PARD3B: variants seen among roughly 807,000 people sequenced by gnomAD.
PARD3B encodes par-3 family cell polarity regulator beta, also known as partitioning defective 3 homolog B.
In PARD3B, 103 loss-of-function variants were observed where a neutral mutation model predicts 130.2. That is an observed-to-expected ratio of 0.79 (90% confidence interval 0.67 to 0.93). The LOEUF is 0.93. PARD3B is among the 40% of genes least tolerant of loss of function. The probability of loss-of-function intolerance (pLI) is 0.00; values close to 1 mark genes in which losing one functional copy is unlikely to be tolerated. For synonymous variants in PARD3B, 583 were observed against 553.2 expected, an observed-to-expected ratio of 1.05 and a Z score of -0.76; for missense variants, 1,609 against 1,499.2, an observed-to-expected ratio of 1.07 and a Z score of -1.21.
intron 20 of PARD3B, among the ~76,000 whole-genome samples, chr2:205,472,363 C>A (rs1416712788): frequency 2.7e-5 from 4 of 149,624 alleles, no homozygotes; most frequent in African/African-American, 7.7e-5. Flanking sequence ...GCACCCAAGA[C>A]ATACTTTTTC....
chr2:205,310,447 C>T (rs984924587), intron 18 of PARD3B, among the ~76,000 whole-genome samples: 4 of 151,902 alleles, frequency 2.6e-5, no homozygotes, highest in African/African-American at 9.7e-5. Flanking sequence ...AAATTTATTC[C>T]TCCTGTCTAG....
At chr2:205,509,744 G>C (rs1290904637) in intron 21 of PARD3B, among the ~76,000 whole-genome samples, 1 of 152,156 alleles carries the variant, frequency 6.6e-6, no homozygotes, top group Non-Finnish European at 1.5e-5. Context: ...CTGTTTCCAC[G>C]TATGGAGCCC....
chr2:205,565,175 A>G (rs2053277605), intron 22 of PARD3B, among the ~76,000 whole-genome samples: 4 of 152,158 alleles, frequency 2.6e-5, no homozygotes, highest in African/African-American at 9.7e-5. Flanking sequence ...TCCAGAAATG[A>G]TAGTGTCTGA....
At chr2:204,779,845 A>G (rs954737695) in intron 2 of PARD3B, among the ~76,000 whole-genome samples, 1 of 152,228 alleles carries the variant, frequency 6.6e-6, no homozygotes, top group African/African-American at 2.4e-5. Flanking sequence ...TAAAATTCTA[A>G]GCAAAGTAAG....
chr2:205,301,339 A>G lies in PARD3B; in HGVS notation c.2393-125A>G, dbSNP rs2041989792. 3 of 1,477,008 alleles carry G rather than the reference A, an allele frequency of 2.0e-6. No homozygotes were observed. Among genetic ancestry groups the G allele is most frequent in the Non-Finnish European group, 2.7e-6 (3 of 1,106,196 alleles). 91.5% of individuals were successfully genotyped at this position (1,477,008 alleles called of 1,614,324 possible). ...AGATCTTCAAAGGGCGCACGTAACC[A>G]CATAGAAGGGTAGAACTACAGAGTG... is the stretch of plus-strand genomic sequence containing the variant. On this transcript the variant is annotated intron_variant, in intron 17 of 22. Coordinates refer to ENST00000406610, the MANE Select transcript of PARD3B (RefSeq NM_001302769.2). The surrounding 1 kb of genome is among the most constrained non-coding windows in gnomAD (Gnocchi z 5.2).
At chr2:205,570,993 TTAGA>T (rs2053540958) in intron 22 of PARD3B, among the ~76,000 whole-genome samples, 1 of 152,120 alleles carries the variant, frequency 6.6e-6, no homozygotes, top group South Asian at 2.1e-4. Context: ...CATATATAAT[TTAGA>T]TAAATAATCC....
intron 3 of PARD3B, among the ~76,000 whole-genome samples, chr2:205,035,815 ATAT>A (rs1697796196): frequency 3.8e-5 from 1 of 26,304 alleles, no homozygotes; most frequent in African/African-American, 2.9e-4. Context: ...ATATATATAT[ATAT>A]ATCTATATAT....
chr2:204,643,080 C>G (rs1048060263), intron 1 of PARD3B, among the ~76,000 whole-genome samples: 3 of 123,566 alleles, frequency 2.4e-5, no homozygotes, highest in Non-Finnish European at 4.8e-5. Flanking sequence ...CACCACCGCA[C>G]TCCAGCCTGG....
At chr2:205,002,393 C>T (rs1171218052) in intron 3 of PARD3B, among the ~76,000 whole-genome samples, 2 of 152,164 alleles carry the variant, frequency 1.3e-5, no homozygotes, top group Non-Finnish European at 2.9e-5. Flanking sequence ...TGAAATCTGT[C>T]CTATTCCCAC....
intron 18 of PARD3B, chr2:205,347,665 T>A (rs923730194): frequency 8.5e-5 from 13 of 152,228 alleles, no homozygotes; most frequent in African/African-American, 2.9e-4. Flanking sequence ...TTGTCAAATT[T>A]AGAAGAATCT....
In PARD3B at chr2:205,616,954, C is replaced by A. The variant is rs2055457783; in HGVS notation, c.*1141C>A. On this transcript the variant is annotated 3_prime_UTR_variant, in exon 23 of 23. Coordinates refer to ENST00000406610, the MANE Select transcript of PARD3B (RefSeq NM_001302769.2). Reference sequence around the variant, plus strand: ...GTGTGTGTTCGAACACATATGATTGCCAGTATGGAGAATGAAAGATTAATA... The same window carrying A: ...GTGTGTGTTCGAACACATATGATTGACAGTATGGAGAATGAAAGATTAATA... 1 of 153,968 alleles carries A rather than the reference C, an allele frequency of 6.5e-6. No homozygotes were observed. Among genetic ancestry groups the A allele is most frequent in the South Asian group, 2.0e-4 (1 of 4,892 alleles). 9.5% of individuals were successfully genotyped at this position (153,968 alleles called of 1,614,324 possible). A position where few individuals can be genotyped will look rare whatever the true frequency, so the allele number is the denominator to read the frequency against.
At chr2:204,742,723 A>G (rs542341913) in intron 2 of PARD3B, among the ~76,000 whole-genome samples, 1 of 152,308 alleles carries the variant, frequency 6.6e-6, no homozygotes, top group Admixed American at 6.5e-5. Context: ...ACTTGTCACT[A>G]ACTTGATCTG....
chr2:204,966,473 A>C (rs1691263822), intron 3 of PARD3B, among the ~76,000 whole-genome samples: 1 of 152,228 alleles, frequency 6.6e-6, no homozygotes, highest in East Asian at 1.9e-4. Flanking sequence ...TCATTTGCAT[A>C]ATGGATGCCT....
At chr2:205,113,096 A>T (rs1703756055) in intron 5 of PARD3B, among the ~76,000 whole-genome samples, 2 of 152,302 alleles carry the variant, frequency 1.3e-5, no homozygotes, top group Admixed American at 1.3e-4. Flanking sequence ...ATGCTGAAGC[A>T]TCGATGTGCT....
rs998521860 is a variant in PARD3B at position 205,446,976 on chromosome 2, T to C, written c.3044+6304T>C. Among the ~76,000 whole-genome samples, 1 of 152,228 alleles carries C rather than the reference T, an allele frequency of 6.6e-6. No homozygotes were observed. The highest frequency in any genetic ancestry group is 1.5e-5 in the Non-Finnish European group (1 of 68,040). On this transcript the variant is annotated intron_variant, in intron 20 of 22. Coordinates refer to ENST00000406610, the MANE Select transcript of PARD3B (RefSeq NM_001302769.2). The surrounding 1 kb of genome is among the most constrained non-coding windows in gnomAD (Gnocchi z 4.4). ...TTTTGCATTAGTTTGTGTGACAATT[T>C]GACATTCATTTCTAGAGGTTGCCAA...
chr2:204,814,245 A>T (rs953579567), intron 2 of PARD3B, among the ~76,000 whole-genome samples: 1 of 151,818 alleles, frequency 6.6e-6, no homozygotes, highest in African/African-American at 2.4e-5. Context: ...TTTTAATTCC[A>T]ATTTTCAGTT....
chr2:205,506,220 C>G (rs947460425), intron 21 of PARD3B, among the ~76,000 whole-genome samples: 1 of 152,134 alleles, frequency 6.6e-6, no homozygotes, highest in African/African-American at 2.4e-5. Context: ...GTAGTCCCAG[C>G]TACTTGGGAG....
intron 2 of PARD3B, among the ~76,000 whole-genome samples, chr2:204,895,426 A>G (rs917013227): frequency 6.6e-6 from 1 of 152,088 alleles, no homozygotes; most frequent in African/African-American, 2.4e-5. Flanking sequence ...TACAAAACTG[A>G]TGTTATAACC....
chr2:205,106,802 T>C (rs1428798390), intron 5 of PARD3B, among the ~76,000 whole-genome samples: 1 of 152,058 alleles, frequency 6.6e-6, no homozygotes, highest in Non-Finnish European at 1.5e-5. Flanking sequence ...AAAAGTAGAG[T>C]GAGTGCAATT....
Sources: gnomAD v4.1 joint callset for allele counts (sites outside exome capture counted in the v4.1 genomes callset) on GRCh38, gnomAD v4.1.1 for gene constraint, Gnocchi (gnomAD v3.1) non-coding constraint, MANE v1.5 for transcripts, NCBI Gene and HGNC (gene_info 2026-07-23, HGNC 2026-07-21) for gene names.